EXOC3L2: variants seen among roughly 807,000 people sequenced by gnomAD.
The protein encoded by EXOC3L2 is exocyst complex component 3 like 2, also known as exocyst complex component 3-like protein 2.
EXOC3L2 carries 17 observed loss-of-function variants against 44.4 expected under a neutral mutation model. That is an observed-to-expected ratio of 0.38 (90% confidence interval 0.26 to 0.57). EXOC3L2 has a LOEUF of 0.57. EXOC3L2 is among the 20% of genes least tolerant of loss of function. EXOC3L2 has a pLI of 0.65. For missense variants in EXOC3L2, 541 were observed against 588.4 expected, an observed-to-expected ratio of 0.92 and a Z score of 0.83; for synonymous variants, 256 against 253.7, an observed-to-expected ratio of 1.01 and a Z score of -0.09.
chr19:45,215,456 G>A (rs770638113), intron 11 of EXOC3L2, among the ~76,000 whole-genome samples: 1 of 151,864 alleles, frequency 6.6e-6, no homozygotes, highest in Non-Finnish European at 1.5e-5. Context: ...GGGAAACAGA[G>A]TGAGACCCTG....
At chr19:45,218,442 G>C (rs1288758183) in intron 8 of EXOC3L2, 123 bp from the exon 9 acceptor site, 19 of 1,259,180 alleles carry the variant, frequency 1.5e-5, no homozygotes, top group African/African-American at 3.0e-5. Flanking sequence ...GGAACACAAG[G>C]GGAAGAGATA....
rs533302660 is a variant in EXOC3L2 at position 45,224,757 on chromosome 19, C to G, written c.1719+21G>C. The G allele has an allele frequency of 2.8e-5, 43 of 1,546,272 alleles. No individual in the cohort carries two copies. The South Asian group carries it at 4.9e-4, about 18-fold the overall frequency. ...CCCTGTCCTGGCATGGGCCCCAACC[C>G]TGGCCTCCCACCTCACTCACCTGCA... On this transcript the variant is annotated intron_variant, in intron 8 of 11. Coordinates refer to ENST00000413988, the MANE Select transcript of EXOC3L2 (RefSeq NM_001382422.1).
intron 4 of EXOC3L2, among the ~76,000 whole-genome samples, chr19:45,231,457 C>CCAAAA (rs1970030724): frequency 1.6e-5 from 1 of 61,324 alleles, no homozygotes. Context: ...GACCCTGCCT[C>CCAAAA]AAAAAAAAAA....
Position 45,239,064 on chromosome 19 carries a change from G to T in EXOC3L2, c.-16-3C>A. 1 of 399,038 alleles carries T rather than the reference G, an allele frequency of 2.5e-6. No individual in the cohort carries two copies. The highest frequency in any genetic ancestry group is 1.3e-4 in the South Asian group (1 of 7,786). The allele number at this position is 399,038 out of a possible 1,614,324, so 24.7% of individuals were successfully genotyped here. On this transcript the variant is annotated splice_region_variant and splice_polypyrimidine_tract_variant and intron_variant, in intron 1 of 11. Transcript: ENST00000413988. ...TAGGCATTTTGACAGGTGGGGACCT[G>T]GGGAAAAAAATAATGACCATGGGCG...
In EXOC3L2 at chr19:45,212,598, C is replaced by CT. The variant is rs530736333; in HGVS notation, c.*470dup. The CT allele has an allele frequency of 0.044, 4,906 of 111,278 alleles. 473 individuals are homozygous for CT. The highest frequency in any genetic ancestry group is 0.17 in the African/African-American group (4,251 of 25,152). The allele number at this position is 111,278 out of a possible 1,614,324, so 6.9% of individuals were successfully genotyped here. A position where few individuals can be genotyped will look rare whatever the true frequency, so the allele number is the denominator to read the frequency against. On this transcript the variant is annotated 3_prime_UTR_variant, in exon 12 of 12. Transcript: ENST00000413988. ...CTCTTTGGCCTCTGTTTCCCCCTAC[C>CT]TTTTTTTTTTTTTTTTTTTTTTGAG...
intron 11 of EXOC3L2, 113 bp downstream of exon 11, chr19:45,215,960 A>G: frequency 6.8e-7 from 1 of 1,462,266 alleles, no homozygotes; most frequent in African/African-American, 1.4e-5. Context: ...CGGCCGTCAG[A>G]CACGCTCACC....
intron 11 of EXOC3L2, among the ~76,000 whole-genome samples, chr19:45,214,122 C>T (rs1441912573): frequency 1.3e-5 from 2 of 152,086 alleles, no homozygotes; most frequent in African/African-American, 2.4e-5. Flanking sequence ...AGTTCAGAAA[C>T]TCCACATCAG....
intron 8 of EXOC3L2, among the ~76,000 whole-genome samples, chr19:45,221,287 C>T (rs563124873): frequency 2.0e-4 from 30 of 151,928 alleles, no homozygotes; most frequent in Non-Finnish European, 4.4e-4. Flanking sequence ...AGCAATCCTC[C>T]CACCTCACAG....
intron 2 of EXOC3L2, among the ~76,000 whole-genome samples, chr19:45,236,550 G>A (rs1183005346): frequency 6.6e-6 from 1 of 151,592 alleles, no homozygotes; most frequent in Non-Finnish European, 1.5e-5. Context: ...TAGGAACATG[G>A]ATGGAATTGA....
Position 45,238,618 on chromosome 19 carries a change from G to A in EXOC3L2, c.428C>T (p.Ala143Val), listed in dbSNP as rs908146951. The A allele has an allele frequency of 1.8e-5, 7 of 399,136 alleles. No homozygotes were observed. The East Asian group carries it at 2.1e-4, about 12-fold the overall frequency. 24.7% of individuals were successfully genotyped at this position (399,136 alleles called of 1,614,324 possible). A position where few individuals can be genotyped will look rare whatever the true frequency, so the allele number is the denominator to read the frequency against. The change falls in exon 2 of 12, where the codon GCG becomes GTG. Residue 143 changes from alanine to valine, a missense_variant. Coordinates refer to ENST00000413988, the MANE Select transcript of EXOC3L2 (RefSeq NM_001382422.1). The surrounding 1 kb of genome is among the most constrained non-coding windows in gnomAD (Gnocchi z 5.5). Reference protein sequence around the residue: ...RLGRGSKPQRASLAERVVPAG... With the variant: ...RLGRGSKPQRVSLAERVVPAG... The stretch of plus-strand genomic sequence containing the variant: ...AGGCACCACTCTCTCAGCCAGGGAC[G>A]CACGCTGGGGCTTGGATCCACGCCC...
intron 1 of EXOC3L2, among the ~76,000 whole-genome samples, chr19:45,239,310 C>T (rs1970111516): frequency 6.6e-6 from 1 of 150,854 alleles, no homozygotes; most frequent in Admixed American, 6.6e-5. Flanking sequence ...CTCCGCCTCC[C>T]GGGTTCACGC....
At chr19:45,221,764 C>T (rs1284205637) in intron 8 of EXOC3L2, among the ~76,000 whole-genome samples, 1 of 151,084 alleles carries the variant, frequency 6.6e-6, no homozygotes, top group Non-Finnish European at 1.5e-5. Flanking sequence ...CCTCCCACTT[C>T]AGCCTCCCAA....
chr19:45,229,988 T>G (rs1040517264), intron 4 of EXOC3L2, among the ~76,000 whole-genome samples: 25 of 150,566 alleles, frequency 1.7e-4, no homozygotes, highest in African/African-American at 6.1e-4. Context: ...AATCCTATTA[T>G]TACATATTAT....
intron 7 of EXOC3L2, among the ~76,000 whole-genome samples, chr19:45,226,747 CTT>C (rs957385712): frequency 0.052 from 4,664 of 90,068 alleles, 65 homozygotes; most frequent in African/African-American, 0.12. Context: ...ACTCCCATCT[CTT>C]TTTTTTTTTT....
intron 9 of EXOC3L2, among the ~76,000 whole-genome samples, chr19:45,217,961 C>A (rs1969854709): frequency 6.6e-6 from 1 of 152,084 alleles, no homozygotes. Flanking sequence ...GGGGCCCTGA[C>A]TCAGTCTGCA....
At position 45,234,407 on chromosome 19, in the gene EXOC3L2, G is replaced by T; in HGVS notation, c.943C>A (p.Gln315Lys). Reference sequence around the variant, plus strand: ...AGCCGCGCCCGCAGCGCCTCCAGCTGCCCGGCCAGGCCCCCGGGCGCCCCG... The same window carrying T: ...AGCCGCGCCCGCAGCGCCTCCAGCTTCCCGGCCAGGCCCCCGGGCGCCCCG... Reference protein sequence around the residue: ...APGAPGGLAGQLEALRARLLE... With the variant: ...APGAPGGLAGKLEALRARLLE... Residue 315 changes from glutamine to lysine, a missense_variant, in exon 3 of 12, where the codon CAG (glutamine) becomes AAG (lysine). Transcript: ENST00000413988. This position sits in a 1 kb window ranked among gnomAD's most constrained non-coding sequence, Gnocchi z 5.0. The T allele has an allele frequency of 3.3e-6, 1 of 306,758 alleles. No individual in the cohort carries two copies. Among genetic ancestry groups the T allele is most frequent in the Non-Finnish European group, 6.0e-6 (1 of 166,940 alleles). 19.0% of individuals were successfully genotyped at this position (306,758 alleles called of 1,614,324 possible).
In EXOC3L2 at chr19:45,239,276, G is replaced by A. The variant is rs560293885; in HGVS notation, c.-16-215C>T. Among the ~76,000 whole-genome samples the A allele has an allele frequency of 1.7e-4, 25 of 146,420 alleles. No individual in the cohort carries two copies. In the South Asian group the frequency reaches 4.8e-3, roughly 28 times the overall value. On this transcript the variant is annotated intron_variant, in intron 1 of 11. Transcript: ENST00000413988. ...TCTGTCGCCCAGGCTGGAGTGCAGT[G>A]GCACGATCTCAGCTCACTGCAAGCT...
Position 45,213,190 on chromosome 19 carries a change from A to C in EXOC3L2, c.2288T>G (p.Phe763Cys), listed in dbSNP as rs1969795917. The C allele has an allele frequency of 6.2e-7, 1 of 1,606,662 alleles. No individual in the cohort carries two copies. Among genetic ancestry groups the C allele is most frequent in the African/African-American group, 1.3e-5 (1 of 74,614 alleles). ...FADIPVPRPS[F>C]CLSLPLFLGR... is the part of the protein sequence containing the mutation. Reference sequence around the variant, plus strand: ...CAGGAAGAGAGGGAGGCTGAGACAGAAAGATGGGCGGGGCACAGGGATGTC... The same window carrying C: ...CAGGAAGAGAGGGAGGCTGAGACAGCAAGATGGGCGGGGCACAGGGATGTC... The change falls in exon 12 of 12, where the codon TTC (phenylalanine) becomes TGC (cysteine). Residue 763 changes from phenylalanine to cysteine, a missense_variant. By Grantham distance (205) the Phe-to-Cys change is radical. Coordinates refer to ENST00000413988, the MANE Select transcript of EXOC3L2 (RefSeq NM_001382422.1).
intron 2 of EXOC3L2, among the ~76,000 whole-genome samples, chr19:45,237,724 T>C (rs1004850499): frequency 6.6e-6 from 1 of 151,930 alleles, no homozygotes; most frequent in Non-Finnish European, 1.5e-5. Context: ...AAAAAAGATA[T>C]GTGAAGTCTT....
Sources: allele counts gnomAD v4.1 joint callset (sites outside exome capture counted in the v4.1 genomes callset), GRCh38; gene constraint gnomAD v4.1.1; non-coding constraint Gnocchi (gnomAD v3.1); transcripts MANE v1.5; gene names NCBI Gene and HGNC (gene_info 2026-07-23, HGNC 2026-07-21).